Variants in CUX1 observed in about 807,000 individuals in gnomAD.
The protein encoded by CUX1 is cut like homeobox 1, also known as protein CASP.
In CUX1, 31 loss-of-function variants were observed where a neutral mutation model predicts 158.8. The ratio of observed to expected loss-of-function variants is 0.20; its 90% CI spans 0.15 to 0.26. The LOEUF is 0.26. Among genes scored for constraint, CUX1 ranks in the 10% least tolerant of loss-of-function variants. The pLI is 1.00. For missense variants in CUX1, 1,589 were observed against 2,014.6 expected (o/e 0.79, Z 4.04); for synonymous variants, 879 against 862.1 (o/e 1.02, Z -0.34).
intron 3 of CUX1, among the ~76,000 whole-genome samples, chr7:102,062,406 G>A (rs1585481455): frequency 6.6e-6 from 1 of 152,182 alleles, no homozygotes; most frequent in Non-Finnish European, 1.5e-5. Context: ...CAGAGATCTG[G>A]TGGATTTCTA....
chr7:102,189,723 C>T (rs1794072423), intron 11 of CUX1, 90 bp from the exon 12 acceptor site: 1 of 1,401,302 alleles, frequency 7.1e-7, no homozygotes, highest in South Asian at 1.2e-5. Context: ...CTCTCAGGCA[C>T]AGCTGGCTGT....
chr7:101,871,295 G>A (rs1194299271), intron 1 of CUX1, among the ~76,000 whole-genome samples: 1 of 143,606 alleles, frequency 7.0e-6, no homozygotes, highest in African/African-American at 2.6e-5. Flanking sequence ...TCAGTTACAT[G>A]ATAATTCTAA....
chr7:101,879,567 G>C, intron 1 of CUX1, among the ~76,000 whole-genome samples: 1 of 152,186 alleles, frequency 6.6e-6, no homozygotes, highest in South Asian at 2.1e-4. Flanking sequence ...GTTGTCTTCG[G>C]CCTTCTGGGG....
In CUX1 at chr7:102,257,655, G is replaced by C. The variant is rs993218997; in HGVS notation, c.*8613G>C. On this transcript the variant is annotated 3_prime_UTR_variant, in exon 24 of 24. Coordinates refer to ENST00000292535, the MANE Select transcript of CUX1 (RefSeq NM_181552.4). ...GTCCAGACTACTAACAGCACAAGAC[G>C]CACTCACAGGGTGGCGGAATCTTCC... 2.7e-5 allele frequency: 27 copies of C among 985,290 alleles called. No homozygotes were observed. Among genetic ancestry groups the C allele is most frequent in the Non-Finnish European group, 3.3e-5 (27 of 829,940 alleles). The allele number at this position is 985,290 out of a possible 1,614,324, so 61.0% of individuals were successfully genotyped here. A position where few individuals can be genotyped will look rare whatever the true frequency, so the allele number is the denominator to read the frequency against.
intron 20 of CUX1, among the ~76,000 whole-genome samples, chr7:102,207,749 GC>G (rs1563409920): frequency 1.3e-5 from 2 of 152,146 alleles, no homozygotes; most frequent in East Asian, 3.9e-4. Flanking sequence ...ACTGCACCTG[GC>G]CAGGAAAATT....
chr7:101,927,045 T>C (rs1208198373), intron 2 of CUX1, among the ~76,000 whole-genome samples: 1 of 151,982 alleles, frequency 6.6e-6, no homozygotes, highest in African/African-American at 2.4e-5. Flanking sequence ...CAGAACAAGA[T>C]GGCAGTGAGT....
intron 22 of CUX1, among the ~76,000 whole-genome samples, chr7:102,234,702 T>G (rs1262379576): frequency 6.7e-6 from 1 of 149,906 alleles, no homozygotes; most frequent in African/African-American, 2.5e-5. Flanking sequence ...GGCGGATCAC[T>G]TGAGGTCAGG....
rs2130704794 is a variant in CUX1 at position 102,078,139 on chromosome 7, G to A, written c.268+7722G>A. Reference sequence around the variant, plus strand: ...TCTGTTGCCCAACCTGGAGTGCACTGGTACCATCATAGCTCATTTAACCGC... The same window carrying A: ...TCTGTTGCCCAACCTGGAGTGCACTAGTACCATCATAGCTCATTTAACCGC... On this transcript the variant is annotated intron_variant, in intron 4 of 23. Transcript: ENST00000292535. Among the ~76,000 whole-genome samples the A allele has an allele frequency of 2.0e-5, 3 of 152,114 alleles. 1 individual carries two copies. In the Middle Eastern group the frequency reaches 0.01, roughly 517 times the overall value.
chr7:102,136,035 A>G (rs1207517556), intron 8 of CUX1, among the ~76,000 whole-genome samples: 5 of 152,082 alleles, frequency 3.3e-5, no homozygotes, highest in African/African-American at 4.8e-5. Flanking sequence ...ATGACCTATT[A>G]TATCTTTAAT....
chr7:102,249,274 T>TGCGGCCTCCACCAACCCC lies in CUX1; in HGVS notation c.*239_*256dup. ...CCCACTCTGCGGCCCGGGCCGACCC[T>TGCGGCCTCCACCAACCCC]GCGGCCTCCACCAACCCCGCGGCCC... On this transcript the variant is annotated 3_prime_UTR_variant, in exon 24 of 24. Coordinates refer to ENST00000292535, the MANE Select transcript of CUX1 (RefSeq NM_181552.4). 1 of 1,047,318 alleles carries TGCGGCCTCCACCAACCCC rather than the reference T, an allele frequency of 9.5e-7. No homozygotes were observed. The allele number at this position is 1,047,318 out of a possible 1,614,324, so 64.9% of individuals were successfully genotyped here. A position where few individuals can be genotyped will look rare whatever the true frequency, so the allele number is the denominator to read the frequency against.
At chr7:101,977,734 G>A (rs1812890747) in intron 2 of CUX1, among the ~76,000 whole-genome samples, 1 of 152,056 alleles carries the variant, frequency 6.6e-6, no homozygotes, top group African/African-American at 2.4e-5. Flanking sequence ...TTGCACCACT[G>A]CACTCTAGCC....
intron 1 of CUX1, among the ~76,000 whole-genome samples, chr7:101,890,297 T>G (rs935729605): frequency 6.6e-6 from 1 of 151,780 alleles, no homozygotes; most frequent in African/African-American, 2.4e-5. Context: ...CACAGTGGGA[T>G]GAGAGTGGGC....
intron 1 of CUX1, among the ~76,000 whole-genome samples, chr7:101,827,882 C>T (rs921991923): frequency 2.7e-5 from 4 of 150,282 alleles, no homozygotes; most frequent in South Asian, 2.1e-4. Flanking sequence ...GAAGAGGAGG[C>T]GTTGGTCTTG....
At chr7:102,240,287 G>C (rs988278385) in intron 23 of CUX1, among the ~76,000 whole-genome samples, 1 of 151,998 alleles carries the variant, frequency 6.6e-6, no homozygotes, top group Admixed American at 6.6e-5. Flanking sequence ...TTTATTTTTA[G>C]AGACAAGGGC....
chr7:102,136,062 A>G (rs1833865611), intron 8 of CUX1, among the ~76,000 whole-genome samples: 1 of 152,072 alleles, frequency 6.6e-6, no homozygotes, highest in African/African-American at 2.4e-5. Context: ...GAAGTTTATT[A>G]TATCATATAA....
At chr7:102,204,324 C>T in intron 18 of CUX1, 67 bp from the exon 19 acceptor site, 1 of 1,579,730 alleles carries the variant, frequency 6.3e-7, no homozygotes, top group South Asian at 1.1e-5. Context: ...GTGTGCATTG[C>T]AGCAGCATCT....
In CUX1 at chr7:102,253,806, G is replaced by A. The variant is rs1554541036; in HGVS notation, c.*4764G>A. 7.1e-6 allele frequency: 7 copies of A among 985,596 alleles called. No homozygotes were observed. The highest frequency in any genetic ancestry group is 6.1e-5 in the Admixed American group (1 of 16,292). The allele number at this position is 985,596 out of a possible 1,614,324, so 61.1% of individuals were successfully genotyped here. ...AGATGTAGCAACACGGGGCATGAGC[G>A]GTGGGCGTGCTGGGCTATTTGCTGT... On this transcript the variant is annotated 3_prime_UTR_variant, in exon 24 of 24. Coordinates refer to ENST00000292535, the MANE Select transcript of CUX1 (RefSeq NM_181552.4).
intron 1 of CUX1, among the ~76,000 whole-genome samples, chr7:101,911,178 C>T (rs527974743): frequency 1.3e-5 from 2 of 152,404 alleles, no homozygotes; most frequent in East Asian, 3.9e-4. Flanking sequence ...TGGGCCTGGG[C>T]CTGGGCCTTG....
chr7:102,124,344 A>G (rs1832377492), intron 8 of CUX1, among the ~76,000 whole-genome samples: 1 of 152,236 alleles, frequency 6.6e-6, no homozygotes. Flanking sequence ...TATTTATCCA[A>G]AGAAAGGAAA....
Sources: allele counts gnomAD v4.1 joint callset (sites outside exome capture counted in the v4.1 genomes callset), GRCh38; gene constraint gnomAD v4.1.1; transcripts MANE v1.5; gene names NCBI Gene and HGNC (gene_info 2026-07-23, HGNC 2026-07-21).